OR2M2: variants seen among roughly 807,000 people sequenced by gnomAD.
OR2M2 encodes the protein olfactory receptor family 2 subfamily M member 2.
For missense variants in OR2M2, 467 were observed against 429.9 expected, an observed-to-expected ratio of 1.09 and a Z score of -0.76; for synonymous variants, 168 against 151.7, an observed-to-expected ratio of 1.11 and a Z score of -0.79.
Position 248,179,192 on chromosome 1 carries a change from C to T in OR2M2, c.-18-776C>T, listed in dbSNP as rs375351987. ...CTGCCTCCCCTATCACATGGTATTC[C>T]CAGTGTCTCGGTCTTCACATGGCCA... On this transcript the variant is annotated intron_variant, in intron 1 of 1. Coordinates refer to ENST00000641836, the MANE Select transcript of OR2M2 (RefSeq NM_001004688.2). Among the ~76,000 whole-genome samples, 245 of 152,184 alleles carry T rather than the reference C, an allele frequency of 1.6e-3. 3 individuals carry two copies. The highest frequency in any genetic ancestry group is 2.8e-3 in the Non-Finnish European group (191 of 68,006).
At chr1:248,178,778 C>T (rs1334937275) in intron 1 of OR2M2, among the ~76,000 whole-genome samples, 2 of 152,168 alleles carry the variant, frequency 1.3e-5, no homozygotes, top group South Asian at 4.1e-4. Flanking sequence ...CTCACTATGA[C>T]CTGTATGAAC....
At position 248,179,979 on chromosome 1, in the gene OR2M2, A is replaced by G; in HGVS notation, c.-7A>G. On this transcript the variant is annotated 5_prime_UTR_variant, in exon 2 of 2. Coordinates refer to ENST00000641836, the MANE Select transcript of OR2M2 (RefSeq NM_001004688.2). Reference sequence around the variant, plus strand: ...TTTTGTGGTACTAGGTAAAAAGCACATTCATCATGGCATGGGAGAATCAGA... The same window carrying G: ...TTTTGTGGTACTAGGTAAAAAGCACGTTCATCATGGCATGGGAGAATCAGA... 2 of 1,604,740 alleles carry G rather than the reference A, an allele frequency of 1.2e-6. No individual in the cohort carries two copies. The highest frequency in any genetic ancestry group is 1.7e-6 in the Non-Finnish European group (2 of 1,175,054).
chr1:248,175,531 G>GA lies in OR2M2; in HGVS notation c.-19+666dup, dbSNP rs1283898277. Among the ~76,000 whole-genome samples the GA allele has an allele frequency of 2.6e-5, 4 of 152,008 alleles. No individual in the cohort carries two copies. In the East Asian group the frequency reaches 7.7e-4, roughly 29 times the overall value. On this transcript the variant is annotated intron_variant, in intron 1 of 1. Transcript: ENST00000641836. ...TCTACATGCAGATATTCCAAAGTCT[G>GA]AAAAAAGCCTGAAATCTGCAATACA...
In OR2M2 at chr1:248,180,097, G is replaced by GC. The variant is rs1665909115; in HGVS notation, c.114dup (p.Phe39LeufsTer73). ...TCTGGTCCTGGGCATCTTTTTAGTGGCCTTCATGGGAAACTCTGTCATGGT... is the reference window on the plus strand; with the variant it reads ...TCTGGTCCTGGGCATCTTTTTAGTGGCCCTTCATGGGAAACTCTGTCATGGT... On this transcript the variant is annotated frameshift_variant, in exon 2 of 2. Coordinates refer to ENST00000641836, the MANE Select transcript of OR2M2 (RefSeq NM_001004688.2). LOFTEE classifies it low-confidence loss of function (END_TRUNC). The GC allele has an allele frequency of 6.2e-7, 1 of 1,613,838 alleles. No homozygotes were observed. The highest frequency in any genetic ancestry group is 1.7e-5 in the Admixed American group (1 of 59,972).
At chr1:248,178,249 T>G in intron 1 of OR2M2, among the ~76,000 whole-genome samples, 1 of 152,110 alleles carries the variant, frequency 6.6e-6, no homozygotes, top group East Asian at 1.9e-4. Context: ...TTCATTGTTG[T>G]TTTTAGTCTC....
rs568039481 is a variant in OR2M2 at position 248,180,132 on chromosome 1, C to G, written c.147C>G (p.Ile49Met). Residue 49 changes from isoleucine to methionine, a missense_variant, in exon 2 of 2, where the codon ATC becomes ATG. By Grantham distance (10) the Ile-to-Met change is conservative (BLOSUM62 1). Transcript: ENST00000641836. ...GAAACTCTGTCATGGTTCTCCTCATCTACCTGGACACCCAGCTCCACACCC... is the reference window on the plus strand; with the variant it reads ...GAAACTCTGTCATGGTTCTCCTCATGTACCTGGACACCCAGCTCCACACCC... ...FMGNSVMVLL[I>M]YLDTQLHTPM... 4 of 1,613,852 alleles carry G rather than the reference C, an allele frequency of 2.5e-6. No individual in the cohort carries two copies. The highest frequency in any genetic ancestry group is 3.4e-6 in the Non-Finnish European group (4 of 1,180,006).
Position 248,180,924 on chromosome 1 carries a change from G to A in OR2M2, c.939G>A (p.Glu313=). The A allele has an allele frequency of 6.2e-7, 1 of 1,614,064 alleles. No homozygotes were observed. Among genetic ancestry groups the A allele is most frequent in the Non-Finnish European group, 8.5e-7 (1 of 1,179,976 alleles). The change falls in exon 2 of 2, where the codon GAG becomes GAA. Residue 313 remains glutamate, a synonymous_variant. Coordinates refer to ENST00000641836, the MANE Select transcript of OR2M2 (RefSeq NM_001004688.2). ...KILGKGKSES[E]LPHKLYVLLF... The stretch of plus-strand genomic sequence containing the variant: ...TAGGAAAGGGCAAGTCTGAGAGTGA[G>A]TTACCTCATAAACTTTATGTTTTGC...
chr1:248,180,577 G>A lies in OR2M2; in HGVS notation c.592G>A (p.Val198Ile). ...SCNDTSIFEE[V>I]IFICCIVMLV... ...CAATGACACATCAATATTTGAAGAG[G>A]TTATTTTCATCTGCTGTATAGTAAT... Residue 198 changes from valine (V) to isoleucine (I), a missense_variant, in exon 2 of 2, where the codon GTT (valine) becomes ATT (isoleucine). Val to Ile is a conservative substitution (Grantham distance 29). Coordinates refer to ENST00000641836, the MANE Select transcript of OR2M2 (RefSeq NM_001004688.2). The A allele has an allele frequency of 6.2e-7, 1 of 1,613,636 alleles. No homozygotes were observed. Among genetic ancestry groups the A allele is most frequent in the African/African-American group, 1.3e-5 (1 of 74,980 alleles).
Position 248,180,288 on chromosome 1 carries a change from T to C in OR2M2, c.303T>C (p.Ile101=). Residue 101 remains isoleucine (I), a synonymous_variant, in exon 2 of 2, where the codon ATT becomes ATC. Coordinates refer to ENST00000641836, the MANE Select transcript of OR2M2 (RefSeq NM_001004688.2). ...CTATGGCTGGTTGTGTCACACAAAT[T>C]TTCTTCTATATATCACTGTCTGGCT... ...SISMAGCVTQ[I]FFYISLSGSE... is the part of the protein sequence containing the mutation. The C allele has an allele frequency of 6.2e-7, 1 of 1,613,306 alleles. No individual in the cohort carries two copies. The highest frequency in any genetic ancestry group is 8.5e-7 in the Non-Finnish European group (1 of 1,179,938).
In OR2M2 at chr1:248,180,022, A is replaced by G. The variant is rs1004220556; in HGVS notation, c.37A>G (p.Ile13Val). 1.9e-6 allele frequency: 3 copies of G among 1,613,728 alleles called. No homozygotes were observed. Among genetic ancestry groups the G allele is most frequent in the Non-Finnish European group, 1.7e-6 (2 of 1,179,874 alleles). ...WENQTFNSDF[I>V]LLGIFNHSPP... ...GAATCAGACCTTCAACTCCGACTTC[A>G]TCCTCCTTGGAATCTTCAATCACAG... Residue 13 changes from isoleucine to valine, a missense_variant, in exon 2 of 2, where the codon ATC becomes GTC. Physicochemically the swap from Ile to Val is conservative, Grantham distance 29. Coordinates refer to ENST00000641836, the MANE Select transcript of OR2M2 (RefSeq NM_001004688.2).
At chr1:248,176,812 T>G (rs1313287447) in intron 1 of OR2M2, among the ~76,000 whole-genome samples, 1 of 152,100 alleles carries the variant, frequency 6.6e-6, no homozygotes, top group Non-Finnish European at 1.5e-5. Flanking sequence ...TAACTTACAC[T>G]GAGCTTCAGG....
chr1:248,178,160 C>T (rs1421136117), intron 1 of OR2M2, among the ~76,000 whole-genome samples: 1 of 152,082 alleles, frequency 6.6e-6, no homozygotes, highest in Admixed American at 6.6e-5. Context: ...TTGTATTTCA[C>T]CCCATGAGGA....
At chr1:248,177,781 GTTGAC>G (rs932793323) in intron 1 of OR2M2, 12 of 152,100 alleles carry the variant, frequency 7.9e-5, no homozygotes. Context: ...TTATCAAGAT[GTTGAC>G]TTGACCTGGA....
Position 248,181,030 on chromosome 1 carries a change from C to T in OR2M2, c.*1C>T, listed in dbSNP as rs367873381. On this transcript the variant is annotated 3_prime_UTR_variant, in exon 2 of 2. Transcript: ENST00000641836. ...AGCATTGATTATGTACATTGCCTAA[C>T]ATATTTATGGGCACCTATACAATTT... The T allele has an allele frequency of 3.3e-4, 525 of 1,571,454 alleles. No homozygotes were observed. The highest frequency in any genetic ancestry group is 4.3e-4 in the Non-Finnish European group (494 of 1,149,458).
intron 1 of OR2M2, among the ~76,000 whole-genome samples, chr1:248,177,059 A>G (rs1246714302): frequency 6.6e-6 from 1 of 152,050 alleles, no homozygotes; most frequent in Non-Finnish European, 1.5e-5. Context: ...GACAAACTCA[A>G]TGAAGACAAT....
chr1:248,180,912 G>A lies in OR2M2; in HGVS notation c.927G>A (p.Lys309=). Residue 309 remains lysine, a synonymous_variant, in exon 2 of 2, where the codon AAG becomes AAA. Coordinates refer to ENST00000641836, the MANE Select transcript of OR2M2 (RefSeq NM_001004688.2). ...TCATGAAGATCTTAGGAAAGGGCAAGTCTGAGAGTGAGTTACCTCATAAAC... is the reference window on the plus strand; with the variant it reads ...TCATGAAGATCTTAGGAAAGGGCAAATCTGAGAGTGAGTTACCTCATAAAC... ...RAFMKILGKG[K]SESELPHKLY... is the part of the protein sequence containing the mutation. The A allele has an allele frequency of 3.7e-6, 6 of 1,614,094 alleles. No individual in the cohort carries two copies. The highest frequency in any genetic ancestry group is 5.1e-6 in the Non-Finnish European group (6 of 1,179,982).
At chr1:248,177,297 G>C (rs1665866853) in intron 1 of OR2M2, among the ~76,000 whole-genome samples, 1 of 152,016 alleles carries the variant, frequency 6.6e-6, no homozygotes, top group African/African-American at 2.4e-5. Context: ...ATGTCTAAAA[G>C]GTAGAATAGA....
chr1:248,180,466 G>A lies in OR2M2; in HGVS notation c.481G>A (p.Val161Ile). The change falls in exon 2 of 2, where the codon GTA becomes ATA. Residue 161 changes from valine (V) to isoleucine (I), a missense_variant. Val to Ile is a conservative substitution (Grantham distance 29, BLOSUM62 3). Transcript: ENST00000641836. ...CTCTACAGATGGAATCATTGATGCT[G>A]TAGCCACATTTTCCTTCTCCTTTTG... ...LGSTDGIIDA[V>I]ATFSFSFCGS... 1.2e-6 allele frequency: 2 copies of A among 1,613,904 alleles called. No individual in the cohort carries two copies. The highest frequency in any genetic ancestry group is 8.5e-7 in the Non-Finnish European group (1 of 1,179,922).
At position 248,179,964 on chromosome 1, in the gene OR2M2, CT is replaced by C; in HGVS notation, c.-18-3del. The C allele has an allele frequency of 6.3e-7, 1 of 1,590,588 alleles. No individual in the cohort carries two copies. The highest frequency in any genetic ancestry group is 8.6e-7 in the Non-Finnish European group (1 of 1,168,174). Reference sequence around the variant, plus strand: ...AAATTAATAAGATGGTTTTGTGGTACTAGGTAAAAAGCACATTCATCATGGC... The same window carrying C: ...AAATTAATAAGATGGTTTTGTGGTACAGGTAAAAAGCACATTCATCATGGC... On this transcript the variant is annotated splice_polypyrimidine_tract_variant and splice_region_variant and intron_variant, in intron 1 of 1. Coordinates refer to ENST00000641836, the MANE Select transcript of OR2M2 (RefSeq NM_001004688.2).
Sources: gnomAD v4.1 joint callset for allele counts (sites outside exome capture counted in the v4.1 genomes callset) on GRCh38, gnomAD v4.1.1 for gene constraint, MANE v1.5 for transcripts, NCBI Gene and HGNC (gene_info 2026-07-23, HGNC 2026-07-21) for gene names.